PTPN13: variants seen among roughly 807,000 people sequenced by gnomAD.
PTPN13 encodes tyrosine-protein phosphatase non-receptor type 13.
A neutral mutation model predicts 284.0 loss-of-function variants in PTPN13; 191 were observed. The ratio of observed to expected loss-of-function variants is 0.67; its 90% CI spans 0.60 to 0.76. PTPN13 has a LOEUF of 0.76. PTPN13 is among the 30% of genes least tolerant of loss of function. The pLI, the probability that PTPN13 is intolerant of heterozygous loss-of-function variation, is 0.00. For synonymous variants in PTPN13, 986 were observed against 1,022.3 expected, an observed-to-expected ratio of 0.96 and a Z score of 0.68; for missense variants, 2,797 against 2,939.9, an observed-to-expected ratio of 0.95 and a Z score of 1.12.
Position 86,803,213 on chromosome 4 carries a change from CAT to C in PTPN13, c.6506-490_6506-489del, listed in dbSNP as rs934866851. ...TTTATTGTGTATATATATACACACA[CAT>C]ATATACATATATATTTATTGTGTAT... On this transcript the variant is annotated intron_variant, in intron 42 of 47. Transcript: ENST00000411767. Among the ~76,000 whole-genome samples, 9 of 150,110 alleles carry C rather than the reference CAT, an allele frequency of 6.0e-5. No homozygotes were observed. In the South Asian group the frequency reaches 8.4e-4, roughly 14 times the overall value.
In PTPN13 at chr4:86,689,067, C is replaced by T. The variant is rs376895108; in HGVS notation, c.423C>T (p.Tyr141=). 2.6e-5 allele frequency: 42 copies of T among 1,592,192 alleles called. No individual in the cohort carries two copies. The highest frequency in any genetic ancestry group is 2.1e-4 in the African/African-American group (16 of 74,450). ...ILLGMCEDVI[Y]ARVSVRTVLD... ...TTGGAATGTGTGAGGATGTTATTTACGCTCGAGTTTCTGTTCGGACTGTGC... is the reference window on the plus strand; with the variant it reads ...TTGGAATGTGTGAGGATGTTATTTATGCTCGAGTTTCTGTTCGGACTGTGC... The change falls in exon 5 of 48, where the codon TAC becomes TAT. Residue 141 remains tyrosine (Y), a synonymous_variant. Transcript: ENST00000411767.
At chr4:86,713,254 G>A (rs961339814) in intron 7 of PTPN13, among the ~76,000 whole-genome samples, 3 of 151,950 alleles carry the variant, frequency 2.0e-5, no homozygotes, top group African/African-American at 7.2e-5. Context: ...TTTGCAATTT[G>A]GTTAAGTTTT....
intron 9 of PTPN13, among the ~76,000 whole-genome samples, chr4:86,718,797 T>C (rs1043223505): frequency 2.0e-5 from 3 of 152,196 alleles, no homozygotes; most frequent in African/African-American, 7.2e-5. Context: ...TTTTTGTACT[T>C]TTTAAAATAG....
chr4:86,808,302 A>T (rs894240382), intron 45 of PTPN13, among the ~76,000 whole-genome samples: 2 of 152,250 alleles, frequency 1.3e-5, no homozygotes, highest in African/African-American at 4.8e-5. Context: ...GCAACTTAAC[A>T]TATTTAGGAA....
chr4:86,635,359 T>C lies in PTPN13; in HGVS notation c.103T>C (p.Leu35=). ...LNQSAESLQE[L]FRKVSLADPA... ...TCAAAGTGCTGAAAGTCTCCAAGAA[T>C]TATTCAGAAAAGGTAAGCTGCTGCT... Residue 35 remains leucine, a synonymous_variant, in exon 2 of 48, where the codon TTA becomes CTA. Coordinates refer to ENST00000411767, the MANE Select transcript of PTPN13 (RefSeq NM_080683.3). 1 of 1,597,364 alleles carries C rather than the reference T, an allele frequency of 6.3e-7. No homozygotes were observed. Among genetic ancestry groups the C allele is most frequent in the Non-Finnish European group, 8.5e-7 (1 of 1,171,888 alleles).
intron 2 of PTPN13, among the ~76,000 whole-genome samples, chr4:86,644,206 C>T (rs570035879): frequency 1.3e-5 from 2 of 151,954 alleles, no homozygotes; most frequent in East Asian, 3.9e-4. Flanking sequence ...GTGATCTTGG[C>T]TCACTGTAAC....
chr4:86,784,449 T>C lies in PTPN13; in HGVS notation c.6025-16T>C. ...TAAAATACTATCTGATGATTTGCTT[T>C]GGTTTTATGCTTTAGGTTGCTGGGG... On this transcript the variant is annotated splice_polypyrimidine_tract_variant and intron_variant, in intron 37 of 47. Coordinates refer to ENST00000411767, the MANE Select transcript of PTPN13 (RefSeq NM_080683.3). 1 of 1,566,758 alleles carries C rather than the reference T, an allele frequency of 6.4e-7. No homozygotes were observed. The highest frequency in any genetic ancestry group is 8.7e-7 in the Non-Finnish European group (1 of 1,148,102).
intron 2 of PTPN13, among the ~76,000 whole-genome samples, chr4:86,663,398 T>C (rs964704009): frequency 6.6e-6 from 1 of 152,184 alleles, no homozygotes; most frequent in African/African-American, 2.4e-5. Flanking sequence ...GGTAATAAAC[T>C]GGGGGAAACT....
chr4:86,779,285 C>T (rs565282185), intron 35 of PTPN13, among the ~76,000 whole-genome samples: 6 of 151,954 alleles, frequency 3.9e-5, no homozygotes, highest in Admixed American at 1.3e-4. Context: ...GGCGTGGTGG[C>T]GGGCGCCTGT....
intron 6 of PTPN13, among the ~76,000 whole-genome samples, chr4:86,696,823 AT>A (rs950734999): frequency 2.0e-5 from 3 of 151,590 alleles, no homozygotes; most frequent in Non-Finnish European, 4.4e-5. Context: ...TTGTGTTTCT[AT>A]TTTTTTTAGT....
chr4:86,617,892 G>A (rs1720754310), intron 1 of PTPN13, among the ~76,000 whole-genome samples: 1 of 151,612 alleles, frequency 6.6e-6, no homozygotes, highest in African/African-American at 2.4e-5. Flanking sequence ...TCACTCTGAT[G>A]GTAGTTTCTT....
intron 1 of PTPN13, among the ~76,000 whole-genome samples, chr4:86,595,199 A>G (rs550251570): frequency 2.0e-5 from 3 of 152,040 alleles, no homozygotes; most frequent in Admixed American, 2.0e-4. Context: ...AATTTCTGCA[A>G]ATGATTGTGG....
intron 3 of PTPN13, among the ~76,000 whole-genome samples, chr4:86,682,979 G>A (rs1325129212): frequency 6.6e-6 from 1 of 152,164 alleles, no homozygotes; most frequent in Non-Finnish European, 1.5e-5. Flanking sequence ...GCTCAACAAT[G>A]TATTTTTAAT....
intron 1 of PTPN13, among the ~76,000 whole-genome samples, chr4:86,634,692 C>T (rs1722820419): frequency 6.6e-6 from 1 of 152,014 alleles, no homozygotes; most frequent in Non-Finnish European, 1.5e-5. Flanking sequence ...GGTGAGTTGC[C>T]AACAAAGCTG....
intron 20 of PTPN13, among the ~76,000 whole-genome samples, chr4:86,755,379 A>G (rs1262003598): frequency 2.0e-5 from 3 of 151,300 alleles, no homozygotes; most frequent in African/African-American, 4.8e-5. Context: ...AACACTGGTT[A>G]TTTTCCTTTG....
In PTPN13 at chr4:86,732,445, A is replaced by G. The variant is rs781164070; in HGVS notation, c.1654A>G (p.Ile552Val). 1.9e-6 allele frequency: 3 copies of G among 1,602,030 alleles called. No individual in the cohort carries two copies. Among genetic ancestry groups the G allele is most frequent in the African/African-American group, 1.3e-5 (1 of 74,926 alleles). The change falls in exon 11 of 48, where the codon ATA becomes GTA. Residue 552 changes from isoleucine (I) to valine (V), a missense_variant. Ile to Val is a conservative substitution (Grantham distance 29). Transcript: ENST00000411767. ...EFVKMTIEPF[I>V]SLDLPRSILT... The stretch of plus-strand genomic sequence containing the variant: ...TGTGAAAATGACAATTGAACCATTT[A>G]TATCTTTGGATTTGCCACGGTCTAT...
At chr4:86,628,816 T>C (rs1722134828) in intron 1 of PTPN13, among the ~76,000 whole-genome samples, 1 of 149,316 alleles carries the variant, frequency 6.7e-6, no homozygotes, top group African/African-American at 2.5e-5. Flanking sequence ...TCCATGTCCC[T>C]ACAAAGGACA....
At chr4:86,719,429 C>T (rs536908499) in intron 9 of PTPN13, among the ~76,000 whole-genome samples, 3 of 152,190 alleles carry the variant, frequency 2.0e-5, no homozygotes, top group South Asian at 2.1e-4. Context: ...ATAGTGCTGC[C>T]GTGAACATTC....
Position 86,782,261 on chromosome 4 carries a change from C to T in PTPN13, c.6023C>T (p.Thr2008Met), listed in dbSNP as rs754851677. The change falls in exon 37 of 48, where the codon ACG (threonine) becomes ATG (methionine). Residue 2008 changes from threonine (T) to methionine (M), a missense_variant and splice_region_variant. Coordinates refer to ENST00000411767, the MANE Select transcript of PTPN13 (RefSeq NM_080683.3). Reference protein sequence around the residue: ...PALTPNDSFSTVAGEEINEIS... With the variant: ...PALTPNDSFSMVAGEEINEIS... ...CTCACTCCTAATGATTCATTCTCCACGGTAAGAAAAAGCCCACCCTCTTTC... is the reference window on the plus strand; with the variant it reads ...CTCACTCCTAATGATTCATTCTCCATGGTAAGAAAAAGCCCACCCTCTTTC... The T allele has an allele frequency of 6.9e-6, 11 of 1,603,390 alleles. No individual in the cohort carries two copies. The highest frequency in any genetic ancestry group is 2.2e-5 in the East Asian group (1 of 44,820).
Sources: allele counts gnomAD v4.1 joint callset (sites outside exome capture counted in the v4.1 genomes callset), GRCh38; gene constraint gnomAD v4.1.1; transcripts MANE v1.5; gene names NCBI Gene and HGNC (gene_info 2026-07-23, HGNC 2026-07-21).